FYN: variants seen among roughly 807,000 people sequenced by gnomAD.
FYN encodes the protein tyrosine-protein kinase Fyn.
In FYN, 10 loss-of-function variants were observed where a neutral mutation model predicts 70.2. That is an observed-to-expected ratio of 0.14 (90% CI 0.09 to 0.24). FYN has a LOEUF of 0.24. Ranked by LOEUF, FYN falls within the 10% of genes least tolerant of loss-of-function variation. The pLI is 1.00. For missense variants in FYN, 319 were observed against 673.1 expected (o/e 0.47, Z 5.82); for synonymous variants, 236 against 248.6 (o/e 0.95, Z 0.48).
intron 3 of FYN, chr6:111,759,977 A>G (rs1041480859): frequency 6.6e-6 from 1 of 151,896 alleles, no homozygotes; most frequent in Non-Finnish European, 1.5e-5. Context: ...CAGACTGAGT[A>G]CAGCCTTCAT....
chr6:111,706,548 T>C (rs777551471), intron 6 of FYN, among the ~76,000 whole-genome samples: 2 of 152,224 alleles, frequency 1.3e-5, no homozygotes, highest in Non-Finnish European at 2.9e-5. Context: ...TCTGGGTTTG[T>C]ACCAATAACC....
intron 13 of FYN, among the ~76,000 whole-genome samples, chr6:111,673,967 G>A (rs999036849): frequency 3.5e-5 from 4 of 114,006 alleles, no homozygotes; most frequent in Non-Finnish European, 5.9e-5. Context: ...TCAGCAACAG[G>A]CAGTGAGTGG....
At chr6:111,737,032 T>C (rs913196509) in intron 3 of FYN, among the ~76,000 whole-genome samples, 1 of 152,256 alleles carries the variant, frequency 6.6e-6, no homozygotes, top group Non-Finnish European at 1.5e-5. Context: ...ACATGGTTGC[T>C]GGTTAATCAT....
intron 5 of FYN, among the ~76,000 whole-genome samples, chr6:111,714,064 G>C (rs1205220442): frequency 6.6e-6 from 1 of 152,188 alleles, no homozygotes; most frequent in Non-Finnish European, 1.5e-5. Context: ...TGTGGAGAGC[G>C]ATGCTGGTGA....
At chr6:111,699,810 T>C (rs1799747258) in intron 9 of FYN, 1 of 821,308 alleles carries the variant, frequency 1.2e-6, no homozygotes, top group East Asian at 2.7e-5. Context: ...AGCAAGATAT[T>C]TTATGGCAGC....
At chr6:111,679,057 T>C (rs1275115355) in intron 12 of FYN, among the ~76,000 whole-genome samples, 1 of 152,208 alleles carries the variant, frequency 6.6e-6, no homozygotes, top group Non-Finnish European at 1.5e-5. Context: ...CTGCTTCTTA[T>C]CATCCCAGAC....
rs1801358128 is a variant in FYN, at chr6:111,729,693, A to C, written c.-11-9631T>G. 2.0e-5 allele frequency among the ~76,000 whole-genome samples: 3 copies of C among 152,184 alleles called. No individual in the cohort carries two copies. In the South Asian group the frequency reaches 6.2e-4, roughly 32 times the overall value. On this transcript the variant is annotated intron_variant, in intron 3 of 13. Coordinates refer to ENST00000354650, the MANE Select transcript of FYN (RefSeq NM_002037.5). ...AAGTTAAGCAGAAATTAAAACTTACATTTACTGAAATTATCAGCAATATGG... is the reference window on the plus strand; with the variant it reads ...AAGTTAAGCAGAAATTAAAACTTACCTTTACTGAAATTATCAGCAATATGG...
At chr6:111,780,498 C>T (rs545323006) in intron 3 of FYN, 68 bp downstream of exon 3, 31 of 152,692 alleles carry the variant, frequency 2.0e-4, no homozygotes, top group African/African-American at 6.7e-4. Flanking sequence ...CAGAACAAGG[C>T]AACAGCTTCC....
rs116404631 is a variant in FYN, at chr6:111,670,989, C to T, written c.1405+3510G>A. Reference sequence around the variant, plus strand: ...AGTAAAGAAAGCTTCTGAACTCTTGCTTGCAGAAAAGCAAGCTAGACTGCA... The same window carrying T: ...AGTAAAGAAAGCTTCTGAACTCTTGTTTGCAGAAAAGCAAGCTAGACTGCA... On this transcript the variant is annotated intron_variant, in intron 13 of 13. Coordinates refer to ENST00000354650, the MANE Select transcript of FYN (RefSeq NM_002037.5). 4.3e-3 allele frequency among the ~76,000 whole-genome samples: 648 copies of T among 152,302 alleles called. 3 individuals carry two copies. The highest frequency in any genetic ancestry group is 0.014 in the African/African-American group (588 of 41,550).
rs377357648 is a variant in FYN at position 111,873,452 on chromosome 6, T to G, written c.-607A>C. The G allele has an allele frequency of 6.6e-6, 1 of 151,758 alleles. No individual in the cohort carries two copies. The highest frequency in any genetic ancestry group is 1.5e-5 in the Non-Finnish European group (1 of 67,964). 9.4% of individuals were successfully genotyped at this position (151,758 alleles called of 1,614,324 possible). On this transcript the variant is annotated 5_prime_UTR_variant, in exon 1 of 14. Transcript: ENST00000354650. ...CTCGCTGCTACTCTTGCTGATGCTC[T>G]GCCCCTCCAGCTCCGGAGGGGAGCG...
At chr6:111,846,667 A>G (rs1439070692) in intron 1 of FYN, 38 bp from the exon 2 acceptor site, 1 of 398,754 alleles carries the variant, frequency 2.5e-6, no homozygotes, top group Non-Finnish European at 4.4e-6. Context: ...ACATCAAAAG[A>G]GAACCAAGTA....
intron 3 of FYN, among the ~76,000 whole-genome samples, chr6:111,734,698 C>T (rs1335918247): frequency 6.6e-6 from 1 of 152,100 alleles, no homozygotes; most frequent in African/African-American, 2.4e-5. Context: ...AGAAACGACC[C>T]CCCCTACCCC....
intron 3 of FYN, among the ~76,000 whole-genome samples, chr6:111,770,170 T>C (rs568770785): frequency 5.4e-4 from 82 of 152,348 alleles, no homozygotes; most frequent in African/African-American, 1.9e-3. Flanking sequence ...ACGCTGTAAA[T>C]GTAAACTACA....
In FYN at chr6:111,836,489, G is replaced by A. The variant is rs73529897; in HGVS notation, c.-82+10100C>T. Among the ~76,000 whole-genome samples, 666 of 152,286 alleles carry A rather than the reference G, an allele frequency of 4.4e-3. 4 individuals are homozygous for A. The highest frequency in any genetic ancestry group is 0.016 in the African/African-American group (655 of 41,542). ...AACAACAAAACAAATGCTAGGCTGTGCGCGGTGGTTCATGTCTGTAATCTC... is the reference window on the plus strand; with the variant it reads ...AACAACAAAACAAATGCTAGGCTGTACGCGGTGGTTCATGTCTGTAATCTC... On this transcript the variant is annotated intron_variant, in intron 2 of 13. Coordinates refer to ENST00000354650, the MANE Select transcript of FYN (RefSeq NM_002037.5).
At chr6:111,702,792 A>G in intron 8 of FYN, 93 bp downstream of exon 8, 2 of 1,230,668 alleles carry the variant, frequency 1.6e-6, no homozygotes, top group Non-Finnish European at 2.3e-6. Flanking sequence ...GATTTTGTAC[A>G]TATTAGTTTT....
Position 111,681,461 on chromosome 6 carries a change from T to C in FYN, c.1274-6831A>G, listed in dbSNP as rs375852134. ...CAGATGTGAGCCACCGTGCCTGACC[T>C]AACTTGGTTCTTGCTACCCCAAACA... On this transcript the variant is annotated intron_variant, in intron 12 of 13. Coordinates refer to ENST00000354650, the MANE Select transcript of FYN (RefSeq NM_002037.5). 2.5e-3 allele frequency among the ~76,000 whole-genome samples: 374 copies of C among 152,282 alleles called. 4 individuals carry two copies. The highest frequency in any genetic ancestry group is 8.6e-3 in the African/African-American group (356 of 41,566).
intron 12 of FYN, among the ~76,000 whole-genome samples, chr6:111,688,333 A>G (rs1799122909): frequency 6.6e-6 from 1 of 152,196 alleles, no homozygotes; most frequent in African/African-American, 2.4e-5. Context: ...AAGGAATATC[A>G]ATGCAATAAA....
chr6:111,728,338 C>A (rs1347932507), intron 3 of FYN, among the ~76,000 whole-genome samples: 1 of 152,138 alleles, frequency 6.6e-6, no homozygotes, highest in East Asian at 1.9e-4. Context: ...TTTAAAATTT[C>A]ATTTAAAGTG....
chr6:111,689,477 G>A (rs1249640700), intron 12 of FYN, among the ~76,000 whole-genome samples: 11 of 152,204 alleles, frequency 7.2e-5, no homozygotes, highest in Admixed American at 7.2e-4. Context: ...AGAGAGATGA[G>A]GGCATGTGTG....
Sources: allele counts gnomAD v4.1 joint callset (sites outside exome capture counted in the v4.1 genomes callset), GRCh38; gene constraint gnomAD v4.1.1; transcripts MANE v1.5; gene names NCBI Gene and HGNC (gene_info 2026-07-23, HGNC 2026-07-21).